NALF1: variants seen among roughly 807,000 people sequenced by gnomAD.
NALF1 encodes family with sequence similarity 155 member A.
Under a neutral mutation model 48.4 loss-of-function variants are expected in NALF1, and 3 were observed. The ratio of observed to expected loss-of-function variants is 0.06; its 90% confidence interval spans 0.03 to 0.16. The LOEUF (loss-of-function observed/expected upper bound fraction) is 0.16. Ranked by LOEUF, NALF1 falls within the 10% of genes least tolerant of loss-of-function variation. The pLI is 1.00. For synonymous variants in NALF1, 262 were observed against 245.7 expected, an observed-to-expected ratio of 1.07 and a Z score of -0.62; for missense variants, 526 against 571.5, an observed-to-expected ratio of 0.92 and a Z score of 0.81.
intron 1 of NALF1, among the ~76,000 whole-genome samples, chr13:107,672,574 G>A (rs1031565091): frequency 6.6e-6 from 1 of 152,140 alleles, no homozygotes; most frequent in Non-Finnish European, 1.5e-5. Flanking sequence ...GGGAAACTTG[G>A]TTATAGCTAA....
chr13:107,644,642 C>CACATATATATAT (rs1555314846), intron 1 of NALF1, among the ~76,000 whole-genome samples: 32 of 92,252 alleles, frequency 3.5e-4, no homozygotes, highest in African/African-American at 1.0e-3. Context: ...TACATACATA[C>CACATATATATAT]ATACATATAT....
chr13:107,706,953 C>T (rs558521244), intron 1 of NALF1, among the ~76,000 whole-genome samples: 2 of 105,692 alleles, frequency 1.9e-5, no homozygotes, highest in Non-Finnish European at 3.4e-5. Context: ...GACGGAGTCT[C>T]GCTCTGTCGC....
At chr13:107,408,650 A>T (rs1286105842) in intron 1 of NALF1, among the ~76,000 whole-genome samples, 1 of 152,130 alleles carries the variant, frequency 6.6e-6, no homozygotes, top group Non-Finnish European at 1.5e-5. Flanking sequence ...ATTCTGTGAC[A>T]GATGACAATC....
chr13:107,380,461 T>C (rs1183326784), intron 1 of NALF1, among the ~76,000 whole-genome samples: 8 of 152,206 alleles, frequency 5.3e-5, no homozygotes, highest in Non-Finnish European at 1.0e-4. Flanking sequence ...TATATTTGTG[T>C]AGCACAGAGT....
chr13:107,521,689 C>T (rs1876244095), intron 1 of NALF1, among the ~76,000 whole-genome samples: 1 of 152,062 alleles, frequency 6.6e-6, no homozygotes, highest in African/African-American at 2.4e-5. Flanking sequence ...AGGAGTTGCT[C>T]TCATCAGCTG....
intron 1 of NALF1, among the ~76,000 whole-genome samples, chr13:107,606,442 T>A (rs897136227): frequency 6.6e-6 from 1 of 152,036 alleles, no homozygotes; most frequent in African/African-American, 2.4e-5. Flanking sequence ...CTCTGCTCAC[T>A]GCAACCTCTG....
chr13:107,751,196 T>C (rs1876928247), intron 1 of NALF1, among the ~76,000 whole-genome samples: 1 of 152,094 alleles, frequency 6.6e-6, no homozygotes, highest in Non-Finnish European at 1.5e-5. Flanking sequence ...CTTTTTGGAG[T>C]GGGTAAATTA....
chr13:107,680,542 G>A (rs915168632), intron 1 of NALF1, among the ~76,000 whole-genome samples: 3 of 151,802 alleles, frequency 2.0e-5, no homozygotes, highest in African/African-American at 7.3e-5. Context: ...TGTATGTGAT[G>A]GTGTGTGGTG....
At position 107,317,124 on chromosome 13, in the gene NALF1, T is replaced by C. The variant is rs2138910008; in HGVS notation, c.916-106369A>G. ...ACTATAATTCTGATTTTGCAAGAAC[T>C]CAAATAATACTTAGTTTTACACTTA... On this transcript the variant is annotated intron_variant, in intron 1 of 2. Coordinates refer to ENST00000375915, the MANE Select transcript of NALF1 (RefSeq NM_001080396.3). Among the ~76,000 whole-genome samples the C allele has an allele frequency of 2.0e-5, 3 of 152,262 alleles. 1 individual carries two copies. Among genetic ancestry groups the C allele is most frequent in the Middle Eastern group, 3.4e-3 (1 of 294 alleles).
intron 1 of NALF1, among the ~76,000 whole-genome samples, chr13:107,570,177 GCT>G (rs1491382115): frequency 6.9e-6 from 1 of 144,260 alleles, no homozygotes; most frequent in African/African-American, 2.4e-5. Context: ...CAATGTATAT[GCT>G]TTTTTTTTTC....
chr13:107,616,945 CA>C (rs1292646247), intron 1 of NALF1, among the ~76,000 whole-genome samples: 1 of 152,078 alleles, frequency 6.6e-6, no homozygotes, highest in East Asian at 1.9e-4. Context: ...TCTTATAGAG[CA>C]AATTTTTCCA....
intron 1 of NALF1, among the ~76,000 whole-genome samples, chr13:107,546,363 C>T (rs1429515030): frequency 1.3e-5 from 2 of 152,122 alleles, no homozygotes; most frequent in Admixed American, 1.3e-4. Context: ...CTAGGCTTTC[C>T]CAGCACAGGT....
chr13:107,834,087 A>G (rs1879820620), intron 1 of NALF1, among the ~76,000 whole-genome samples: 1 of 152,182 alleles, frequency 6.6e-6, no homozygotes, highest in African/African-American at 2.4e-5. Context: ...ATTAAACACC[A>G]ATTTTAAAAA....
At chr13:107,337,692 C>G (rs1171959394) in intron 1 of NALF1, among the ~76,000 whole-genome samples, 2 of 152,042 alleles carry the variant, frequency 1.3e-5, no homozygotes, top group African/African-American at 2.4e-5. Flanking sequence ...AACTTGCACA[C>G]AGAAAAGAGT....
intron 1 of NALF1, among the ~76,000 whole-genome samples, chr13:107,715,425 C>A (rs1875724030): frequency 6.6e-6 from 1 of 152,122 alleles, no homozygotes; most frequent in South Asian, 2.1e-4. Flanking sequence ...TGGTCTTGAA[C>A]TCCCGACCTC....
chr13:107,293,014 T>C (rs1255361656), intron 1 of NALF1, among the ~76,000 whole-genome samples: 1 of 148,512 alleles, frequency 6.7e-6, no homozygotes, highest in Non-Finnish European at 1.5e-5. Flanking sequence ...TTTTTTGAGC[T>C]CTGTCGCCCA....
At chr13:107,232,872 T>C (rs1388060563) in intron 1 of NALF1, among the ~76,000 whole-genome samples, 1 of 152,222 alleles carries the variant, frequency 6.6e-6, no homozygotes, top group Non-Finnish European at 1.5e-5. Flanking sequence ...ACATTCCAGA[T>C]AATTCCATGC....
intron 1 of NALF1, among the ~76,000 whole-genome samples, chr13:107,339,119 G>GAAAAAAAAA (rs1239138893): frequency 1.1e-3 from 155 of 134,938 alleles, no homozygotes; most frequent in Non-Finnish European, 1.7e-3. Flanking sequence ...GGGCGACAGA[G>GAAAAAAAAA]GGAGACTCTG....
In NALF1 at chr13:107,441,877, T is replaced by C. The variant is rs376161830; in HGVS notation, c.916-231122A>G. Among the ~76,000 whole-genome samples the C allele has an allele frequency of 5.3e-5, 8 of 152,240 alleles. No homozygotes were observed. The East Asian group carries it at 7.7e-4, about 15-fold the overall frequency. On this transcript the variant is annotated intron_variant, in intron 1 of 2. Coordinates refer to ENST00000375915, the MANE Select transcript of NALF1 (RefSeq NM_001080396.3). ...CCGTAGGTTTGATCATATAAGTGAA[T>C]GTGCAATAGGAAATATTCAACTGAA...
Sources: gnomAD v4.1 joint callset for allele counts (sites outside exome capture counted in the v4.1 genomes callset) on GRCh38, gnomAD v4.1.1 for gene constraint, MANE v1.5 for transcripts, NCBI Gene and HGNC (gene_info 2026-07-23, HGNC 2026-07-21) for gene names.